GPR160: variants seen among roughly 807,000 people sequenced by gnomAD.
GPR160 encodes the protein G protein-coupled receptor 160, also known as probable G protein-coupled receptor 160.
A neutral mutation model predicts 2.6 loss-of-function variants in GPR160; 2 were observed. That is an observed-to-expected ratio of 0.77 (90% CI 0.32 to 2.44). The LOEUF is 2.44. Among genes scored for constraint, GPR160 ranks in the 30% most tolerant of loss-of-function variants. GPR160 has a pLI of 0.11. For synonymous variants in GPR160, 130 were observed against 132.2 expected (o/e 0.98, Z 0.12); for missense variants, 351 against 383.6 (o/e 0.91, Z 0.71).
At chr3:170,042,377 T>C (rs565219963) in intron 2 of GPR160, among the ~76,000 whole-genome samples, 1 of 138,546 alleles carries the variant, frequency 7.2e-6, no homozygotes, top group Non-Finnish European at 1.5e-5. Flanking sequence ...GCCGTGATCA[T>C]ACCACTGTAC....
intron 2 of GPR160, among the ~76,000 whole-genome samples, chr3:170,075,159 C>T (rs1341084673): frequency 2.0e-5 from 3 of 152,204 alleles, no homozygotes; most frequent in Admixed American, 6.5e-5. Flanking sequence ...GCCCAAGAGG[C>T]GGAGGTTACA....
intron 2 of GPR160, chr3:170,062,463 C>T: frequency 5.4e-6 from 3 of 559,566 alleles, no homozygotes; most frequent in South Asian, 1.8e-5. Flanking sequence ...TTACACGTCA[C>T]GAAGTCAAAT....
chr3:170,064,952 T>G (rs575549078), intron 2 of GPR160, among the ~76,000 whole-genome samples: 1 of 152,222 alleles, frequency 6.6e-6, no homozygotes, highest in East Asian at 1.9e-4. Flanking sequence ...CACCCCACCC[T>G]GGGCCTCACA....
chr3:170,069,882 G>A (rs1712510038), intron 2 of GPR160, among the ~76,000 whole-genome samples: 1 of 152,092 alleles, frequency 6.6e-6, no homozygotes, highest in Non-Finnish European at 1.5e-5. Flanking sequence ...GAAAGGGTGA[G>A]ATCGAGGTGT....
At chr3:170,075,943 T>C (rs1712828958) in intron 2 of GPR160, among the ~76,000 whole-genome samples, 1 of 152,212 alleles carries the variant, frequency 6.6e-6, no homozygotes, top group Non-Finnish European at 1.5e-5. Context: ...TTGGTTATGT[T>C]CTACCTTTGC....
At chr3:170,062,967 A>G (rs968623577) in intron 2 of GPR160, 7 of 277,080 alleles carry the variant, frequency 2.5e-5, no homozygotes, top group Non-Finnish European at 4.1e-5. Context: ...GGACCCCTCC[A>G]TGGTGGATCT....
intron 2 of GPR160, among the ~76,000 whole-genome samples, chr3:170,051,223 C>T (rs2108315639): frequency 6.6e-6 from 1 of 152,166 alleles, no homozygotes; most frequent in African/African-American, 2.4e-5. Flanking sequence ...CTGTTGAGTT[C>T]CTTTTCATGT....
intron 2 of GPR160, among the ~76,000 whole-genome samples, chr3:170,065,228 C>G (rs970094653): frequency 6.6e-6 from 1 of 152,152 alleles, no homozygotes; most frequent in East Asian, 1.9e-4. Flanking sequence ...CCTTTCTAAA[C>G]TTTTTTGTTT....
Position 170,084,332 on chromosome 3 carries a change from T to C in GPR160, c.360T>C (p.Tyr120=), listed in dbSNP as rs371080313. The change falls in exon 4 of 4, where the codon TAT becomes TAC. Residue 120 remains tyrosine, a synonymous_variant. Coordinates refer to ENST00000355897, the MANE Select transcript of GPR160 (RefSeq NM_014373.3). ...TTTTCCTGACAGCTTGTATAGATTA[T>C]TGCCTGAATTTCTCTAAAACAACCA... The part of the protein sequence containing the change: ...YPVFLTACID[Y]CLNFSKTTKL... 6.8e-6 allele frequency: 11 copies of C among 1,608,788 alleles called. No homozygotes were observed. The highest frequency in any genetic ancestry group is 3.4e-5 in the Admixed American group (2 of 59,552).
At chr3:170,081,759 T>G (rs1461759398) in intron 3 of GPR160, among the ~76,000 whole-genome samples, 2 of 152,124 alleles carry the variant, frequency 1.3e-5, no homozygotes, top group Non-Finnish European at 2.9e-5. Flanking sequence ...CAGTGTCCAC[T>G]GTCCCCTTCT....
At position 170,084,094 on chromosome 3, in the gene GPR160, T is replaced by A. The variant is rs1217270194; in HGVS notation, c.122T>A (p.Leu41His). 1.9e-6 allele frequency: 3 copies of A among 1,594,088 alleles called. No individual in the cohort carries two copies. The highest frequency in any genetic ancestry group is 2.6e-6 in the Non-Finnish European group (3 of 1,167,878). Reference sequence around the variant, plus strand: ...CTTGGGAAAATATTATTAAATATCCTTACACTAGGAATGAGAAGAAAAAAC... The same window carrying A: ...CTTGGGAAAATATTATTAAATATCCATACACTAGGAATGAGAAGAAAAAAC... The part of the protein sequence containing the change: ...IILGKILLNI[L>H]TLGMRRKNTC... The change falls in exon 4 of 4, where the codon CTT becomes CAT. Residue 41 changes from leucine (L) to histidine (H), a missense_variant. Transcript: ENST00000355897.
At chr3:170,083,825 G>C (rs1713263568) in intron 3 of GPR160, 80 bp from the exon 4 acceptor site, 1 of 446,146 alleles carries the variant, frequency 2.2e-6, no homozygotes, top group African/African-American at 2.1e-5. Flanking sequence ...GATTGAATTA[G>C]GCTTTTAAGA....
intron 2 of GPR160, among the ~76,000 whole-genome samples, chr3:170,065,701 A>C (rs1488664306): frequency 1.3e-5 from 2 of 152,232 alleles, no homozygotes; most frequent in African/African-American, 4.8e-5. Flanking sequence ...AATATTAAAA[A>C]GCTTTTTAAA....
chr3:170,038,376 G>C lies in GPR160; in HGVS notation c.-322+161G>C, dbSNP rs1346809296. ...CCTTTGCAGGAACTCAGGGGCTGGGGGTTCTCTGCTACTTAAGAGATCCAG... is the reference window on the plus strand; with the variant it reads ...CCTTTGCAGGAACTCAGGGGCTGGGCGTTCTCTGCTACTTAAGAGATCCAG... On this transcript the variant is annotated intron_variant, in intron 1 of 3. Transcript: ENST00000355897. The surrounding 1 kb of genome is among the most constrained non-coding windows in gnomAD (Gnocchi z 5.3). 6.6e-6 allele frequency: 1 copy of C among 152,142 alleles called. No homozygotes were observed. The highest frequency in any genetic ancestry group is 1.5e-5 in the Non-Finnish European group (1 of 68,054). 9.4% of individuals were successfully genotyped at this position (152,142 alleles called of 1,614,324 possible). A position where few individuals can be genotyped will look rare whatever the true frequency, so the allele number is the denominator to read the frequency against.
rs563892444 is a variant in GPR160 at position 170,046,582 on chromosome 3, A to T, written c.-193+7539A>T. 4.1e-4 allele frequency among the ~76,000 whole-genome samples: 62 copies of T among 152,290 alleles called. 1 individual carries two copies. In the South Asian group the frequency reaches 0.012, roughly 31 times the overall value. ...CATTTTATGAAATCCTGACACAGAC[A>T]CAGCAAAGTACAATGCCTGACTTGC... On this transcript the variant is annotated intron_variant, in intron 2 of 3. Transcript: ENST00000355897.
chr3:170,043,086 T>C (rs9862886), intron 2 of GPR160, among the ~76,000 whole-genome samples: 5 of 152,050 alleles, frequency 3.3e-5, no homozygotes, highest in Non-Finnish European at 7.4e-5. Context: ...TTTCGCCATG[T>C]TAGCCAGGAT....
chr3:170,038,579 G>T lies in GPR160; in HGVS notation c.-321-336G>T, dbSNP rs1363616826. ...ATGCTTTTTAAACATGACAAACCCA[G>T]CAAGGTTATAGAAATGGGTGTATGC... On this transcript the variant is annotated intron_variant, in intron 1 of 3. Transcript: ENST00000355897. This position sits in a 1 kb window ranked among gnomAD's most constrained non-coding sequence, Gnocchi z 5.3. 1 of 152,156 alleles carries T rather than the reference G, an allele frequency of 6.6e-6. No individual in the cohort carries two copies. The highest frequency in any genetic ancestry group is 1.9e-4 in the East Asian group (1 of 5,136). 9.4% of individuals were successfully genotyped at this position (152,156 alleles called of 1,614,324 possible).
rs536805495 is a variant in GPR160, at chr3:170,038,987, A to C, written c.-249A>C. 2.5e-3 allele frequency: 387 copies of C among 152,154 alleles called. 3 individuals carry two copies. Among genetic ancestry groups the C allele is most frequent in the African/African-American group, 8.9e-3 (371 of 41,518 alleles). 9.4% of individuals were successfully genotyped at this position (152,154 alleles called of 1,614,324 possible). The stretch of plus-strand genomic sequence containing the variant: ...ACGCACGGACCGGGCCTCCGGAGGC[A>C]GGTTCGGCTGGAAGGAACCGCTCTC... On this transcript the variant is annotated 5_prime_UTR_variant, in exon 2 of 4. Transcript: ENST00000355897. The surrounding 1 kb of genome is among the most constrained non-coding windows in gnomAD (Gnocchi z 5.3).
intron 2 of GPR160, among the ~76,000 whole-genome samples, chr3:170,064,505 TTTTC>T: frequency 1.6e-5 from 2 of 123,836 alleles, no homozygotes; most frequent in South Asian, 5.7e-4. Context: ...CATTCTTTTC[TTTTC>T]TTTTCTTTTT....
Sources: allele counts gnomAD v4.1 joint callset (sites outside exome capture counted in the v4.1 genomes callset), GRCh38; gene constraint gnomAD v4.1.1; non-coding constraint Gnocchi (gnomAD v3.1); transcripts MANE v1.5; gene names NCBI Gene and HGNC (gene_info 2026-07-23, HGNC 2026-07-21).